The following RYR2 variants were observed in gnomAD, a reference collection of about 807,000 sequenced individuals.
The protein encoded by RYR2 is cardiac muscle ryanodine receptor-calcium release channel.
RYR2 carries 227 observed loss-of-function variants against 601.1 expected under a neutral mutation model. The ratio of observed to expected loss-of-function variants is 0.38; its 90% CI spans 0.34 to 0.42. RYR2 has a LOEUF of 0.42. Ranked by LOEUF, RYR2 falls within the 10% of genes least tolerant of loss-of-function variation. The probability of loss-of-function intolerance (pLI) is 1.00; values close to 1 mark genes in which losing one functional copy is unlikely to be tolerated. For missense variants in RYR2, 4,646 were observed against 6,156.5 expected (o/e 0.75, Z 8.21); for synonymous variants, 2,223 against 2,175.1 (o/e 1.02, Z -0.61).
intron 27 of RYR2, among the ~76,000 whole-genome samples, chr1:237,553,745 T>A (rs926680110): frequency 1.7e-3 from 108 of 64,062 alleles, no homozygotes; most frequent in African/African-American, 4.1e-3. Context: ...AGACTAGAGG[T>A]CTTATACATT....
intron 92 of RYR2, 36 bp from the exon 93 acceptor site, chr1:237,791,393 A>G (rs1658361121): frequency 9.1e-7 from 1 of 1,095,812 alleles, no homozygotes; most frequent in African/African-American, 1.5e-5. Context: ...AAGCCTGTTG[A>G]TTCAGTGACC....
intron 3 of RYR2, among the ~76,000 whole-genome samples, chr1:237,331,968 G>A (rs1696790892): frequency 6.6e-6 from 1 of 152,064 alleles, no homozygotes; most frequent in South Asian, 2.1e-4. Context: ...GAGGATTAAT[G>A]GTCAAATTTT....
intron 99 of RYR2, among the ~76,000 whole-genome samples, chr1:237,806,939 T>C (rs1660695133): frequency 6.6e-6 from 1 of 152,212 alleles, no homozygotes. Flanking sequence ...GTTCACTTGC[T>C]ATTTTTCAAG....
chr1:237,415,195 C>T (rs562643650), intron 10 of RYR2, among the ~76,000 whole-genome samples: 8 of 152,096 alleles, frequency 5.3e-5, no homozygotes, highest in Non-Finnish European at 8.8e-5. Context: ...TTGCAACCAG[C>T]GAGAGAGTTT....
At position 237,082,293 on chromosome 1, in the gene RYR2, A is replaced by T. The variant is rs182271531; in HGVS notation, c.48+39724A>T. 7.1e-3 allele frequency among the ~76,000 whole-genome samples: 1,064 copies of T among 150,884 alleles called. 11 individuals are homozygous for T. Among genetic ancestry groups the T allele is most frequent in the Non-Finnish European group, 0.011 (779 of 67,978 alleles). On this transcript the variant is annotated intron_variant, in intron 1 of 104. Transcript: ENST00000366574. ...AACCTGTGTCAGAGCCTAAGCACTA[A>T]GCACTAAGCATGACTCTATTCTGCT... is the stretch of plus-strand genomic sequence containing the variant.
intron 98 of RYR2, among the ~76,000 whole-genome samples, chr1:237,803,192 T>TG (rs1450717422): frequency 6.6e-6 from 1 of 152,242 alleles, no homozygotes; most frequent in African/African-American, 2.4e-5. Flanking sequence ...CTCATTCAAA[T>TG]TTTACTGTGC....
At chr1:237,450,602 A>G (rs951009849) in intron 14 of RYR2, among the ~76,000 whole-genome samples, 9 of 152,228 alleles carry the variant, frequency 5.9e-5, no homozygotes, top group African/African-American at 2.2e-4. Flanking sequence ...GTCTTGGCCA[A>G]ATGTAACTCA....
intron 5 of RYR2, 27 bp from the exon 6 acceptor site, chr1:237,369,507 T>G: frequency 6.5e-6 from 10 of 1,542,408 alleles, no homozygotes; most frequent in Non-Finnish European, 8.8e-6. Flanking sequence ...TTCTCTCTTG[T>G]TCTCCTTTTT....
rs12081123 is a variant in RYR2, at chr1:237,758,451, C to T, written c.11325+675C>T. Among the ~76,000 whole-genome samples, 1,114 of 152,176 alleles carry T rather than the reference C, an allele frequency of 7.3e-3. 15 individuals are homozygous for T. The highest frequency in any genetic ancestry group is 0.025 in the African/African-American group (1,032 of 41,508). ...TTTGACCAAAAGTTATCACACCCCC[C>T]GTAAATGGCTATATGGTTTTGTGTC... On this transcript the variant is annotated intron_variant, in intron 82 of 104. Coordinates refer to ENST00000366574, the MANE Select transcript of RYR2 (RefSeq NM_001035.3).
intron 13 of RYR2, among the ~76,000 whole-genome samples, chr1:237,444,557 G>T (rs1434711455): frequency 6.6e-6 from 1 of 152,104 alleles, no homozygotes; most frequent in East Asian, 1.9e-4. Flanking sequence ...GGAACAAACG[G>T]TTCTACTTAT....
chr1:237,511,741 G>A lies in RYR2; in HGVS notation c.2772G>A (p.Leu924=), dbSNP rs780664060. 1.6e-4 allele frequency: 250 copies of A among 1,567,634 alleles called. No individual in the cohort carries two copies. The highest frequency in any genetic ancestry group is 2.1e-4 in the Non-Finnish European group (238 of 1,154,276). Residue 924 remains leucine (L), a synonymous_variant, in exon 24 of 105, where the codon CTG becomes CTA. Transcript: ENST00000366574. ...QHPCLVEFSK[L]PEQERNYNLQ... is the part of the protein sequence containing the mutation. ...CATGCCTGGTGGAGTTCTCCAAGCT[G>A]CCTGAACAGGAGCGCAATTACAACT...
intron 35 of RYR2, among the ~76,000 whole-genome samples, chr1:237,603,868 C>T (rs1676794371): frequency 6.6e-6 from 1 of 152,158 alleles, no homozygotes; most frequent in Non-Finnish European, 1.5e-5. Context: ...ACAAGAAAAG[C>T]TAACTATCCT....
intron 17 of RYR2, among the ~76,000 whole-genome samples, chr1:237,486,661 A>G (rs1438824953): frequency 6.6e-6 from 1 of 152,200 alleles, no homozygotes; most frequent in Non-Finnish European, 1.5e-5. Flanking sequence ...TAGTGGCAGA[A>G]ATAAAATGTA....
chr1:237,045,021 A>T (rs1033015929), intron 1 of RYR2, among the ~76,000 whole-genome samples: 2 of 151,370 alleles, frequency 1.3e-5, no homozygotes, highest in South Asian at 4.2e-4. Flanking sequence ...TTGATAAAAC[A>T]GTTGTAGATG....
chr1:237,727,747 AC>A (rs1391465604), intron 76 of RYR2, among the ~76,000 whole-genome samples: 1 of 152,146 alleles, frequency 6.6e-6, no homozygotes, highest in Non-Finnish European at 1.5e-5. Context: ...GGGGAAAAGA[AC>A]TGACTTATGG....
At chr1:237,646,291 C>T (rs928455568) in intron 48 of RYR2, among the ~76,000 whole-genome samples, 2 of 151,758 alleles carry the variant, frequency 1.3e-5, no homozygotes, top group Non-Finnish European at 2.9e-5. Context: ...CAGTGAGCCA[C>T]GGCCGTGCCA....
At chr1:237,351,176 A>G (rs1698810313) in intron 3 of RYR2, among the ~76,000 whole-genome samples, 1 of 152,184 alleles carries the variant, frequency 6.6e-6, no homozygotes, top group Non-Finnish European at 1.5e-5. Flanking sequence ...ATTGGATAAT[A>G]GTGGAAAACA....
chr1:237,711,700 CTTCT>C, intron 70 of RYR2, 41 bp from the exon 71 acceptor site: 1 of 976,420 alleles, frequency 1.0e-6, no homozygotes, highest in Non-Finnish European at 1.6e-6. Context: ...ATTACAAAGA[CTTCT>C]TTAAGTGGTT....
intron 10 of RYR2, among the ~76,000 whole-genome samples, chr1:237,416,363 C>G (rs970345641): frequency 1.2e-4 from 18 of 152,118 alleles, no homozygotes; most frequent in African/African-American, 4.3e-4. Context: ...AAAATAATCT[C>G]AAGGCGTTGG....
Sources: gnomAD v4.1 joint callset for allele counts (sites outside exome capture counted in the v4.1 genomes callset) on GRCh38, gnomAD v4.1.1 for gene constraint, MANE v1.5 for transcripts, NCBI Gene and HGNC (gene_info 2026-07-23, HGNC 2026-07-21) for gene names.